Variants in DICER1 observed in about 807,000 individuals in gnomAD.
DICER1 encodes dicer 1, ribonuclease III, also known as endoribonuclease Dicer.
Under a neutral mutation model 194.1 loss-of-function variants are expected in DICER1, and 43 were observed. That is an observed-to-expected ratio of 0.22 (90% CI 0.17 to 0.29). The LOEUF is 0.29. Ranked by LOEUF, DICER1 falls within the 10% of genes least tolerant of loss-of-function variation. The pLI is 1.00. For synonymous variants in DICER1, 832 were observed against 820.5 expected (o/e 1.01, Z -0.24); for missense variants, 1,608 against 2,317.0 (o/e 0.69, Z 6.28).
rs1032259273 is a variant in DICER1 at position 95,094,237 on chromosome 14, G to A, written c.5096-81C>T. 1.9e-5 allele frequency: 28 copies of A among 1,509,822 alleles called. No homozygotes were observed. The African/African-American group carries it at 2.7e-4, about 15-fold the overall frequency. 93.5% of individuals were successfully genotyped at this position (1,509,822 alleles called of 1,614,324 possible). A position where few individuals can be genotyped will look rare whatever the true frequency, so the allele number is the denominator to read the frequency against. On this transcript the variant is annotated intron_variant, in intron 23 of 26. Transcript: ENST00000343455. The stretch of plus-strand genomic sequence containing the variant: ...CACATAGCAACTGATCCCCAAATCC[G>A]AAGAAGATTTGTATTTACAATCATT...
rs2139817024 is a variant in DICER1, at chr14:95,094,170, A to C, written c.5096-14T>G. 6.2e-7 allele frequency: 1 copy of C among 1,614,052 alleles called. No homozygotes were observed. Among genetic ancestry groups the C allele is most frequent in the East Asian group, 2.2e-5 (1 of 44,874 alleles). The stretch of plus-strand genomic sequence containing the variant: ...GCTGGTAACAATCTGAGGGGATCCG[A>C]AGTGGAACCGTAAGCTTGTGCAGAA... On this transcript the variant is annotated splice_polypyrimidine_tract_variant and intron_variant, in intron 23 of 26. Coordinates refer to ENST00000343455, the MANE Select transcript of DICER1 (RefSeq NM_177438.3).
chr14:95,147,190 T>C (rs569951543), intron 1 of DICER1, among the ~76,000 whole-genome samples: 22 of 152,222 alleles, frequency 1.4e-4, no homozygotes, highest in Admixed American at 2.6e-4. Context: ...CCCAGCCGTG[T>C]GCAGTGGTTC....
At chr14:95,115,606 G>T in intron 11 of DICER1, 61 bp downstream of exon 11, 2 of 1,571,180 alleles carry the variant, frequency 1.3e-6, no homozygotes, top group Non-Finnish European at 1.8e-6. Flanking sequence ...AAAATGTACA[G>T]GTTTAGACTT....
chr14:95,133,210 G>A (rs1894102780), intron 2 of DICER1, 105 bp downstream of exon 2: 1 of 1,124,516 alleles, frequency 8.9e-7, no homozygotes, highest in Non-Finnish European at 1.3e-6. Context: ...ATCAGAAGTG[G>A]GAGGCCTGAA....
chr14:95,115,572 G>A, intron 11 of DICER1, 95 bp downstream of exon 11: 1 of 1,383,266 alleles, frequency 7.2e-7, no homozygotes, highest in Admixed American at 1.7e-5. Flanking sequence ...GTAAAGACTG[G>A]TAACCGCAAA....
intron 4 of DICER1, among the ~76,000 whole-genome samples, chr14:95,130,864 A>G (rs1430866228): frequency 6.6e-6 from 1 of 152,296 alleles, no homozygotes; most frequent in East Asian, 1.9e-4. Context: ...CAAGCAAGAA[A>G]TTTTTCCAGT....
intron 7 of DICER1, among the ~76,000 whole-genome samples, chr14:95,125,020 C>T (rs1467449815): frequency 6.6e-6 from 1 of 152,170 alleles, no homozygotes; most frequent in African/African-American, 2.4e-5. Flanking sequence ...AGTAATTTAA[C>T]TTTAGGCATC....
At chr14:95,152,048 A>C (rs920932503) in intron 1 of DICER1, among the ~76,000 whole-genome samples, 1 of 152,202 alleles carries the variant, frequency 6.6e-6, no homozygotes, top group Non-Finnish European at 1.5e-5. Flanking sequence ...TAAAATTCTG[A>C]ACTGGTTAAC....
At chr14:95,154,949 C>T (rs1339399294) in intron 1 of DICER1, among the ~76,000 whole-genome samples, 1 of 151,858 alleles carries the variant, frequency 6.6e-6, no homozygotes, top group Non-Finnish European at 1.5e-5. Flanking sequence ...CAGCTTCATT[C>T]ATTCCACAAG....
At chr14:95,146,791 T>G (rs1429139278) in intron 1 of DICER1, among the ~76,000 whole-genome samples, 1 of 152,052 alleles carries the variant, frequency 6.6e-6, no homozygotes, top group Admixed American at 6.5e-5. Context: ...CCCCAGCTGG[T>G]AAAGTGACTG....
intron 13 of DICER1, 69 bp from the exon 14 acceptor site, chr14:95,111,525 CAGAACTATGTT>C: frequency 6.6e-7 from 1 of 1,526,122 alleles, no homozygotes; most frequent in Non-Finnish European, 9.1e-7. Flanking sequence ...GAATTTAGAA[CAGAACTATGTT>C]AGAAGGACCT....
At chr14:95,140,682 T>C (rs1894774877) in intron 1 of DICER1, 1 of 152,210 alleles carries the variant, frequency 6.6e-6, no homozygotes, top group Admixed American at 6.5e-5. Context: ...GAGATCTCTG[T>C]GTTGCTCTTG....
rs1595465990 is a variant in DICER1, at chr14:95,132,555, G to C, written c.267C>G (p.Phe89Leu). 6.2e-7 allele frequency: 1 copy of C among 1,613,950 alleles called. No individual in the cohort carries two copies. Among genetic ancestry groups the C allele is most frequent in the Non-Finnish European group, 8.5e-7 (1 of 1,179,952 alleles). ...ACACCGTCCTTTTTCCATTTCTGCT[G>C]AAGTCTCCCCTGATCTGATAGGACA... ...KELSYQIRGD[F>L]SRNGKRTVFL... The change falls in exon 3 of 27, where the codon TTC becomes TTG. Residue 89 changes from phenylalanine to leucine, a missense_variant. Transcript: ENST00000343455.
chr14:95,132,506 T>A lies in DICER1; in HGVS notation c.307+9A>T, dbSNP rs2140287007. 6.2e-7 allele frequency: 1 copy of A among 1,613,778 alleles called. No individual in the cohort carries two copies. Among genetic ancestry groups the A allele is most frequent in the Non-Finnish European group, 8.5e-7 (1 of 1,179,796 alleles). On this transcript the variant is annotated intron_variant, in intron 3 of 26. Coordinates refer to ENST00000343455, the MANE Select transcript of DICER1 (RefSeq NM_177438.3). ...CCCTGCACAACTTGATAAAATAATT[T>A]TTTATTACCAGAGTTGACCAAGAAC...
chr14:95,092,142 A>G (rs1337807581), intron 24 of DICER1, among the ~76,000 whole-genome samples: 1 of 152,202 alleles, frequency 6.6e-6, no homozygotes, highest in Admixed American at 6.5e-5. Context: ...CCACGTGTTG[A>G]CTAGCGTGTG....
In DICER1 at chr14:95,132,599, C is replaced by G; in HGVS notation, c.223G>C (p.Val75Leu). 2 of 1,613,618 alleles carry G rather than the reference C, an allele frequency of 1.2e-6. No individual in the cohort carries two copies. The highest frequency in any genetic ancestry group is 1.7e-6 in the Non-Finnish European group (2 of 1,179,624). Residue 75 changes from valine (V) to leucine (L), a missense_variant, in exon 3 of 27, where the codon GTA becomes CTA. Physicochemically the swap from Val to Leu is conservative, Grantham distance 32. This residue lies in a region of DICER1 where 657 missense variants were observed against 910.1 expected (regional missense o/e 0.72). Transcript: ENST00000343455. ...NTGSGKTFIA[V>L]LLTKELSYQI... is the part of the protein sequence containing the mutation. ...TAGGACAGCTCTTTAGTGAGTAGTACTGCAATAAATGTCTTCCCTGAGCCA... is the reference window on the plus strand; with the variant it reads ...TAGGACAGCTCTTTAGTGAGTAGTAGTGCAATAAATGTCTTCCCTGAGCCA...
At chr14:95,148,890 T>C (rs1895320397) in intron 1 of DICER1, among the ~76,000 whole-genome samples, 1 of 152,024 alleles carries the variant, frequency 6.6e-6, no homozygotes, top group African/African-American at 2.4e-5. Context: ...TCAAGGTGAG[T>C]TTTAAGGTTC....
chr14:95,111,482 CA>C lies in DICER1; in HGVS notation c.2117-27del, dbSNP rs1159993721. On this transcript the variant is annotated intron_variant, in intron 13 of 26. Coordinates refer to ENST00000343455, the MANE Select transcript of DICER1 (RefSeq NM_177438.3). Reference sequence around the variant, plus strand: ...CTAACAAATTTAAAGAGAGAATTAACACAATCCAGATTTTGCCTGATTAATT... The same window carrying C: ...CTAACAAATTTAAAGAGAGAATTAACCAATCCAGATTTTGCCTGATTAATT... 13 of 1,613,152 alleles carry C rather than the reference CA, an allele frequency of 8.1e-6. No individual in the cohort carries two copies. The South Asian group carries it at 8.8e-5, about 11-fold the overall frequency.
chr14:95,103,677 T>C lies in DICER1; in HGVS notation c.3719A>G (p.Asn1240Ser), dbSNP rs2139961122. The change falls in exon 21 of 27, where the codon AAT becomes AGT. Residue 1240 changes from asparagine to serine, a missense_variant. Coordinates refer to ENST00000343455, the MANE Select transcript of DICER1 (RefSeq NM_177438.3). The stretch of plus-strand genomic sequence containing the variant: ...GTTAGCATTTCCATCAAGGTATTTA[T>C]TACTCAGGAGAGTACATTCATCGCT... ...QPSDECTLLS[N>S]KYLDGNANKS... The C allele has an allele frequency of 1.9e-6, 3 of 1,614,202 alleles. No homozygotes were observed. Among genetic ancestry groups the C allele is most frequent in the Non-Finnish European group, 2.5e-6 (3 of 1,180,030 alleles).
Sources: gnomAD v4.1 joint callset for allele counts (sites outside exome capture counted in the v4.1 genomes callset) on GRCh38, gnomAD v4.1.1 for gene constraint, gnomAD v4.1.1 regional missense constraint, MANE v1.5 for transcripts, NCBI Gene and HGNC (gene_info 2026-07-23, HGNC 2026-07-21) for gene names.